MSRA: variants seen among roughly 807,000 people sequenced by gnomAD.
MSRA encodes the protein methionine sulfoxide reductase A.
MSRA carries 54 observed loss-of-function variants against 31.3 expected under a neutral mutation model. The observed-to-expected ratio is 1.73, with a 90% CI of 1.39 to 2.17. The LOEUF is 2.17. Among genes scored for constraint, MSRA ranks in the 30% most tolerant of loss-of-function variants. MSRA has a pLI of 0.00. For missense variants in MSRA, 507 were observed against 300.9 expected (o/e 1.69, Z -5.07); for synonymous variants, 169 against 116.5 (o/e 1.45, Z -2.90).
intron 3 of MSRA, among the ~76,000 whole-genome samples, chr8:10,301,153 T>G (rs1800822493): frequency 6.6e-6 from 1 of 152,140 alleles, no homozygotes; most frequent in South Asian, 2.1e-4. Flanking sequence ...CATGGAGTGA[T>G]GATAAAAATA....
intron 2 of MSRA, among the ~76,000 whole-genome samples, chr8:10,221,537 G>T (rs1382053714): frequency 3.3e-5 from 5 of 152,016 alleles, no homozygotes; most frequent in African/African-American, 1.2e-4. Context: ...ACTAGTTAAT[G>T]GCAGAACTAG....
intron 2 of MSRA, among the ~76,000 whole-genome samples, chr8:10,209,165 A>T (rs192043007): frequency 6.6e-6 from 1 of 152,358 alleles, no homozygotes; most frequent in Non-Finnish European, 1.5e-5. Context: ...TGGCCTCTCT[A>T]AACCATGTGC....
At chr8:10,138,868 G>C in intron 1 of MSRA, among the ~76,000 whole-genome samples, 1 of 152,272 alleles carries the variant, frequency 6.6e-6, no homozygotes, top group Non-Finnish European at 1.5e-5. Flanking sequence ...GATAGCAGCA[G>C]CAGCAGCAGC....
intron 1 of MSRA, among the ~76,000 whole-genome samples, chr8:10,110,968 G>A (rs977243221): frequency 6.6e-6 from 1 of 152,122 alleles, no homozygotes; most frequent in Non-Finnish European, 1.5e-5. Flanking sequence ...GGAGTGGGAT[G>A]CAAAAAGGAA....
At chr8:10,106,654 C>G (rs1195357622) in intron 1 of MSRA, among the ~76,000 whole-genome samples, 7 of 152,202 alleles carry the variant, frequency 4.6e-5, no homozygotes, top group African/African-American at 1.7e-4. Flanking sequence ...GAGTTTAAAT[C>G]AAGTCCTCTG....
chr8:10,086,593 A>C (rs1798568179), intron 1 of MSRA, among the ~76,000 whole-genome samples: 1 of 152,180 alleles, frequency 6.6e-6, no homozygotes, highest in Non-Finnish European at 1.5e-5. Context: ...ATTTTCCTCC[A>C]AAGCTTAGGT....
At chr8:10,419,141 C>T (rs1237990380) in intron 5 of MSRA, among the ~76,000 whole-genome samples, 2 of 152,162 alleles carry the variant, frequency 1.3e-5, no homozygotes, top group African/African-American at 4.8e-5. Context: ...TCCACTCCCT[C>T]CCGACCCTGC....
At chr8:10,392,239 T>C (rs567844981) in intron 5 of MSRA, among the ~76,000 whole-genome samples, 1 of 152,326 alleles carries the variant, frequency 6.6e-6, no homozygotes, top group African/African-American at 2.4e-5. Context: ...GACAGCTGTC[T>C]CCTCTCTTAA....
chr8:10,381,375 T>C (rs1459571914), intron 5 of MSRA, among the ~76,000 whole-genome samples: 1 of 152,184 alleles, frequency 6.6e-6, no homozygotes, highest in Admixed American at 6.5e-5. Flanking sequence ...AGGAAGTTTT[T>C]GGTTTAGGGC....
At chr8:10,057,086 A>C (rs919929895) in intron 1 of MSRA, among the ~76,000 whole-genome samples, 1 of 152,234 alleles carries the variant, frequency 6.6e-6, no homozygotes, top group Non-Finnish European at 1.5e-5. Flanking sequence ...GGAAAGAGTC[A>C]AACCTTCAAA....
intron 1 of MSRA, among the ~76,000 whole-genome samples, chr8:10,111,881 A>C (rs566285600): frequency 6.6e-6 from 1 of 152,154 alleles, no homozygotes; most frequent in Non-Finnish European, 1.5e-5. Context: ...TCATTAACGG[A>C]GGAGGATGGT....
chr8:10,077,297 C>T (rs1035379542), intron 1 of MSRA, among the ~76,000 whole-genome samples: 2 of 152,084 alleles, frequency 1.3e-5, no homozygotes, highest in African/African-American at 4.8e-5. Flanking sequence ...CCTGGCTTCT[C>T]TTTCAACAGC....
At chr8:10,122,785 T>G (rs1437491051) in intron 1 of MSRA, among the ~76,000 whole-genome samples, 2 of 152,104 alleles carry the variant, frequency 1.3e-5, no homozygotes, top group Non-Finnish European at 2.9e-5. Context: ...AAACATGAGG[T>G]ATTTGGTTTC....
chr8:10,395,185 G>A (rs1405871564), intron 5 of MSRA, among the ~76,000 whole-genome samples: 1 of 152,146 alleles, frequency 6.6e-6, no homozygotes, highest in Non-Finnish European at 1.5e-5. Flanking sequence ...GCAGAGCATG[G>A]TCCTATTTAA....
intron 1 of MSRA, among the ~76,000 whole-genome samples, chr8:10,113,172 G>A (rs1294902324): frequency 6.6e-6 from 1 of 151,992 alleles, no homozygotes; most frequent in Non-Finnish European, 1.5e-5. Flanking sequence ...TTGAGTGAAT[G>A]TGCTGGAAGA....
At chr8:10,391,432 C>G (rs1806739825) in intron 5 of MSRA, among the ~76,000 whole-genome samples, 2 of 152,164 alleles carry the variant, frequency 1.3e-5, no homozygotes, top group Non-Finnish European at 2.9e-5. Flanking sequence ...CTGTCTGGGA[C>G]TTAGCAAGCT....
intron 2 of MSRA, among the ~76,000 whole-genome samples, chr8:10,226,972 T>G (rs954529348): frequency 6.6e-6 from 1 of 151,684 alleles, no homozygotes; most frequent in Non-Finnish European, 1.5e-5. Context: ...ACTGTGCTGG[T>G]CCAGGGAGCT....
At chr8:10,107,289 T>G (rs545141900) in intron 1 of MSRA, among the ~76,000 whole-genome samples, 40 of 152,158 alleles carry the variant, frequency 2.6e-4, no homozygotes, top group African/African-American at 9.4e-4. Flanking sequence ...ATTTAACACT[T>G]AAGTATAGCA....
At chr8:10,163,121 A>C (rs2129042957) in intron 1 of MSRA, among the ~76,000 whole-genome samples, 1 of 152,224 alleles carries the variant, frequency 6.6e-6, no homozygotes, top group African/African-American at 2.4e-5. Flanking sequence ...AGGTTGACCA[A>C]CTGTAGTCCA....
Sources: allele counts gnomAD v4.1 joint callset (sites outside exome capture counted in the v4.1 genomes callset), GRCh38; gene constraint gnomAD v4.1.1; transcripts MANE v1.5; gene names NCBI Gene and HGNC (gene_info 2026-07-23, HGNC 2026-07-21).